Variants in FGF12 observed in about 807,000 individuals in gnomAD.
The protein encoded by FGF12 is fibroblast growth factor 12B.
Under a neutral mutation model 23.6 loss-of-function variants are expected in FGF12, and 14 were observed. That is an observed-to-expected ratio of 0.59 (90% CI 0.39 to 0.93). The LOEUF is 0.93. FGF12 is among the 40% of genes least tolerant of loss of function. The pLI is 0.00. For synonymous variants in FGF12, 62 were observed against 77.3 expected (o/e 0.80, Z 1.04); for missense variants, 175 against 217.8 (o/e 0.80, Z 1.24).
At chr3:192,636,614 T>C (rs1425333464) in intron 2 of FGF12, among the ~76,000 whole-genome samples, 7 of 152,192 alleles carry the variant, frequency 4.6e-5, no homozygotes, top group Non-Finnish European at 8.8e-5. Context: ...GGTACATGTG[T>C]ATGTATCAGA....
intron 4 of FGF12, among the ~76,000 whole-genome samples, chr3:192,248,132 T>G (rs147354137): frequency 4.5e-4 from 68 of 152,268 alleles, no homozygotes; most frequent in African/African-American, 1.6e-3. Flanking sequence ...AGGACAAATT[T>G]CATCAAACCA....
intron 2 of FGF12, among the ~76,000 whole-genome samples, chr3:192,714,729 G>A (rs1333212650): frequency 4.0e-5 from 6 of 151,748 alleles, no homozygotes; most frequent in African/African-American, 9.7e-5. Flanking sequence ...CGTTTTAGCC[G>A]GGATGGTCTC....
intron 2 of FGF12, among the ~76,000 whole-genome samples, chr3:192,669,380 G>A (rs1717019349): frequency 6.6e-6 from 1 of 151,884 alleles, no homozygotes; most frequent in Non-Finnish European, 1.5e-5. Flanking sequence ...GAAGTCAAGA[G>A]ATCAAGACCA....
At chr3:192,316,874 G>A (rs1439711646) in intron 4 of FGF12, among the ~76,000 whole-genome samples, 1 of 152,142 alleles carries the variant, frequency 6.6e-6, no homozygotes, top group East Asian at 1.9e-4. Context: ...GGAGAGTAAA[G>A]AAAACTTTCC....
At chr3:192,458,753 C>T (rs778803835) in intron 2 of FGF12, among the ~76,000 whole-genome samples, 1 of 152,114 alleles carries the variant, frequency 6.6e-6, no homozygotes, top group Admixed American at 6.5e-5. Context: ...GTTGGGAAGG[C>T]ACAATTGGTT....
chr3:192,326,061 G>A (rs1178471247), intron 4 of FGF12, among the ~76,000 whole-genome samples: 1 of 152,110 alleles, frequency 6.6e-6, no homozygotes, highest in Non-Finnish European at 1.5e-5. Flanking sequence ...TCTATCAACC[G>A]ATTCAACTAG....
At chr3:192,227,337 G>T (rs12630527) in intron 4 of FGF12, among the ~76,000 whole-genome samples, 50,093 of 151,772 alleles carry the variant, frequency 0.33, 9,436 homozygotes, top group East Asian at 0.89. Flanking sequence ...CCTTAACTCC[G>T]TACCCTGTGC....
chr3:192,385,453 A>T (rs564367049), intron 2 of FGF12, among the ~76,000 whole-genome samples: 1 of 152,240 alleles, frequency 6.6e-6, no homozygotes, highest in South Asian at 2.1e-4. Flanking sequence ...CAAATATTGG[A>T]TATTTAGTTC....
At chr3:192,421,503 A>G (rs1472510276) in intron 2 of FGF12, among the ~76,000 whole-genome samples, 1 of 152,120 alleles carries the variant, frequency 6.6e-6, no homozygotes, top group East Asian at 1.9e-4. Flanking sequence ...AAAAAGGATG[A>G]GTTCATGTCC....
At chr3:192,439,947 G>A (rs1722152725) in intron 2 of FGF12, among the ~76,000 whole-genome samples, 2 of 148,454 alleles carry the variant, frequency 1.3e-5, no homozygotes. Flanking sequence ...CTGCATTCCA[G>A]CCTAGGTGAC....
At chr3:192,694,701 A>C (rs1387172390) in intron 2 of FGF12, among the ~76,000 whole-genome samples, 1 of 151,862 alleles carries the variant, frequency 6.6e-6, no homozygotes, top group Admixed American at 6.6e-5. Flanking sequence ...TACAGCCTTC[A>C]AAAAAGGAGA....
chr3:192,231,822 A>C (rs1171932914), intron 4 of FGF12, among the ~76,000 whole-genome samples: 1 of 152,146 alleles, frequency 6.6e-6, no homozygotes, highest in African/African-American at 2.4e-5. Context: ...GGAAAAAAAA[A>C]CAATACTTTT....
chr3:192,417,843 C>G (rs760215430), intron 2 of FGF12, among the ~76,000 whole-genome samples: 6 of 151,988 alleles, frequency 3.9e-5, no homozygotes, highest in Non-Finnish European at 5.9e-5. Flanking sequence ...GTGAGGGAAA[C>G]ATCATAGTTT....
chr3:192,324,225 T>G (rs1331961312), intron 4 of FGF12, among the ~76,000 whole-genome samples: 2 of 151,986 alleles, frequency 1.3e-5, no homozygotes, highest in Non-Finnish European at 2.9e-5. Flanking sequence ...ACAGATAAAG[T>G]CTTGAGCCTG....
At chr3:192,639,945 A>G (rs1215633412) in intron 2 of FGF12, among the ~76,000 whole-genome samples, 1 of 152,198 alleles carries the variant, frequency 6.6e-6, no homozygotes, top group Non-Finnish European at 1.5e-5. Flanking sequence ...CCTGGAGGCC[A>G]GTAAGTGAAA....
At chr3:192,212,948 G>A (rs1273968387) in intron 4 of FGF12, among the ~76,000 whole-genome samples, 1 of 152,300 alleles carries the variant, frequency 6.6e-6, no homozygotes, top group Admixed American at 6.5e-5. Flanking sequence ...TGTCTGGAGT[G>A]GCAGCTGCTC....
intron 1 of FGF12, 71 bp downstream of exon 1, chr3:192,727,413 C>A (rs1003318645): frequency 1.5e-6 from 2 of 1,334,972 alleles, no homozygotes; most frequent in Non-Finnish European, 2.0e-6. Flanking sequence ...ACAGGGGATA[C>A]GTTGCGACGC....
rs906189605 is a variant in FGF12, at chr3:192,409,416, G to A, written c.14-48878C>T. On this transcript the variant is annotated intron_variant, in intron 2 of 5. Transcript: ENST00000445105. The surrounding 1 kb of genome is among the most constrained non-coding windows in gnomAD (Gnocchi z 4.8). ...CTCAGAGGGAGCGAGGGAAGGGAGG[G>A]AAGGAAGGGGCGCCCTGGCGGGCTC... 6.6e-6 allele frequency among the ~76,000 whole-genome samples: 1 copy of A among 152,188 alleles called. No homozygotes were observed. Among genetic ancestry groups the A allele is most frequent in the African/African-American group, 2.4e-5 (1 of 41,458 alleles).
At chr3:192,614,008 CT>C (rs1330362363) in intron 2 of FGF12, among the ~76,000 whole-genome samples, 2 of 151,838 alleles carry the variant, frequency 1.3e-5, no homozygotes, top group African/African-American at 4.8e-5. Context: ...ATGCTCTCCC[CT>C]GGCATCCTAG....
Sources: allele counts gnomAD v4.1 joint callset (sites outside exome capture counted in the v4.1 genomes callset), GRCh38; gene constraint gnomAD v4.1.1; non-coding constraint Gnocchi (gnomAD v3.1); transcripts MANE v1.5; gene names NCBI Gene and HGNC (gene_info 2026-07-23, HGNC 2026-07-21).